Variants in EHMT1 observed in about 807,000 individuals in gnomAD.
The protein encoded by EHMT1 is histone-lysine N-methyltransferase EHMT1.
EHMT1 carries 15 observed loss-of-function variants against 147.2 expected under a neutral mutation model. That is an observed-to-expected ratio of 0.10 (90% CI 0.07 to 0.16). The LOEUF (loss-of-function observed/expected upper bound fraction) is 0.16, where lower values mean the gene tolerates loss of function less well. EHMT1 is among the 10% of genes least tolerant of loss of function. The pLI, the probability that EHMT1 is intolerant of heterozygous loss-of-function variation, is 1.00. For missense variants in EHMT1, 1,587 were observed against 1,772.4 expected (o/e 0.90, Z 1.88); for synonymous variants, 795 against 709.6 (o/e 1.12, Z -1.91).
intron 18 of EHMT1, among the ~76,000 whole-genome samples, chr9:137,810,898 A>C (rs914154879): frequency 6.6e-6 from 1 of 152,058 alleles, no homozygotes; most frequent in African/African-American, 2.4e-5. Flanking sequence ...ACGGGGTTTC[A>C]CCATGTTGGC....
chr9:137,650,256 A>G (rs1186661774), intron 1 of EHMT1, among the ~76,000 whole-genome samples: 10 of 152,166 alleles, frequency 6.6e-5, no homozygotes, highest in East Asian at 1.9e-4. Flanking sequence ...GTGGGCCACA[A>G]TGCCAGCTAA....
chr9:137,633,337 A>G (rs1424202707), intron 1 of EHMT1, among the ~76,000 whole-genome samples: 1 of 151,230 alleles, frequency 6.6e-6, no homozygotes, highest in Non-Finnish European at 1.5e-5. Flanking sequence ...TTTTTGTAAT[A>G]CAGATCTACT....
intron 1 of EHMT1, among the ~76,000 whole-genome samples, chr9:137,683,205 A>G (rs1015453379): frequency 1.2e-4 from 18 of 152,256 alleles, no homozygotes; most frequent in African/African-American, 4.1e-4. Context: ...GCTCAGAGAC[A>G]GAATATATTA....
At position 137,776,874 on chromosome 9, in the gene EHMT1, C is replaced by T. The variant is rs760471117; in HGVS notation, c.2018+30C>T. ...CTGGCACAGGCTCTGGCTGGGCTCT[C>T]CAGTCGTCCACCTGAAAAAGTTTCA... On this transcript the variant is annotated intron_variant, in intron 12 of 26. Transcript: ENST00000460843. This position sits in a 1 kb window ranked among gnomAD's most constrained non-coding sequence, Gnocchi z 4.4. 6 of 1,607,012 alleles carry T rather than the reference C, an allele frequency of 3.7e-6. No homozygotes were observed. The highest frequency in any genetic ancestry group is 4.3e-6 in the Non-Finnish European group (5 of 1,175,234).
chr9:137,627,126 T>G (rs1395184110), intron 1 of EHMT1, among the ~76,000 whole-genome samples: 2 of 152,026 alleles, frequency 1.3e-5, no homozygotes, highest in African/African-American at 4.8e-5. Context: ...GCTCGGCTAA[T>G]TTTTGTATTT....
chr9:137,740,265 T>C (rs1947936289), intron 4 of EHMT1, among the ~76,000 whole-genome samples: 1 of 151,986 alleles, frequency 6.6e-6, no homozygotes, highest in Non-Finnish European at 1.5e-5. Context: ...TCCCCGAGCG[T>C]CCTGTGAGAT....
In EHMT1 at chr9:137,620,418, A is replaced by G. The variant is rs146727946; in HGVS notation, c.21+1369A>G. Among the ~76,000 whole-genome samples the G allele has an allele frequency of 2.0e-3, 305 of 151,994 alleles. 8 individuals are homozygous for G. The East Asian group carries it at 0.05, about 25-fold the overall frequency. On this transcript the variant is annotated intron_variant, in intron 1 of 26. Coordinates refer to ENST00000460843, the MANE Select transcript of EHMT1 (RefSeq NM_024757.5). Reference sequence around the variant, plus strand: ...TATTTCCTTTTTTAAATTATTATTTATTATTATTATTTTTTGAGACAGGAT... The same window carrying G: ...TATTTCCTTTTTTAAATTATTATTTGTTATTATTATTTTTTGAGACAGGAT...
Position 137,751,482 on chromosome 9 carries a change from G to A in EHMT1, c.1171-849G>A, listed in dbSNP as rs151233195. On this transcript the variant is annotated intron_variant, in intron 6 of 26. Coordinates refer to ENST00000460843, the MANE Select transcript of EHMT1 (RefSeq NM_024757.5). Reference sequence around the variant, plus strand: ...GTACACCCTTGATGTGAAGTCGCATGGGTGCCTGTCCACCGGGAAATGCAG... The same window carrying A: ...GTACACCCTTGATGTGAAGTCGCATAGGTGCCTGTCCACCGGGAAATGCAG... 2.1e-4 allele frequency among the ~76,000 whole-genome samples: 32 copies of A among 152,322 alleles called. 1 individual carries two copies. Among genetic ancestry groups the A allele is most frequent in the African/African-American group, 7.7e-4 (32 of 41,570 alleles).
At chr9:137,817,180 A>G (rs1032116558) in intron 23 of EHMT1, 5 of 557,566 alleles carry the variant, frequency 9.0e-6, no homozygotes, top group Non-Finnish European at 1.6e-5. Flanking sequence ...CATGTTACAG[A>G]TGGGGACACC....
intron 3 of EHMT1, among the ~76,000 whole-genome samples, chr9:137,722,088 T>C (rs759987925): frequency 6.6e-6 from 1 of 152,058 alleles, no homozygotes; most frequent in Non-Finnish European, 1.5e-5. Context: ...TTTTTGCCTG[T>C]GGATGGCGCC....
chr9:137,831,921 T>G (rs977714716), intron 25 of EHMT1, among the ~76,000 whole-genome samples: 15 of 151,694 alleles, frequency 9.9e-5, no homozygotes, highest in African/African-American at 3.7e-4. Flanking sequence ...TTGGCTGGGC[T>G]CCCTCCACAG....
intron 4 of EHMT1, among the ~76,000 whole-genome samples, chr9:137,734,768 A>G (rs2135902609): frequency 6.6e-6 from 1 of 152,358 alleles, no homozygotes; most frequent in South Asian, 2.1e-4. Flanking sequence ...CTCATCAGAA[A>G]CTTTGGGGGA....
chr9:137,706,163 G>C lies in EHMT1; in HGVS notation c.22-4804G>C, dbSNP rs562217973. ...GGCATGCAGAGCCGACCTGGCCTGGGGGTTGGCGAGTCCTGGACCATCCCG... is the reference window on the plus strand; with the variant it reads ...GGCATGCAGAGCCGACCTGGCCTGGCGGTTGGCGAGTCCTGGACCATCCCG... On this transcript the variant is annotated intron_variant, in intron 1 of 26. Transcript: ENST00000460843. 2.0e-5 allele frequency among the ~76,000 whole-genome samples: 3 copies of C among 152,318 alleles called. No individual in the cohort carries two copies. The South Asian group carries it at 6.2e-4, about 32-fold the overall frequency.
chr9:137,745,917 G>C (rs1948507144), intron 6 of EHMT1: 1 of 191,360 alleles, frequency 5.2e-6, no homozygotes, highest in African/African-American at 2.3e-5. Context: ...TCATTGCTGA[G>C]TCATGCCTGG....
At chr9:137,755,281 G>A (rs778838551) in intron 8 of EHMT1, among the ~76,000 whole-genome samples, 3 of 152,126 alleles carry the variant, frequency 2.0e-5, no homozygotes, top group Non-Finnish European at 4.4e-5. Flanking sequence ...CCCCTGGTCT[G>A]CTCTGTTTCC....
chr9:137,668,715 CACTTA>C (rs1208656037), intron 1 of EHMT1, among the ~76,000 whole-genome samples: 5 of 146,458 alleles, frequency 3.4e-5, no homozygotes, highest in Non-Finnish European at 7.4e-5. Context: ...TGACTTCTTT[CACTTA>C]ACTTAGTGTT....
At chr9:137,745,663 T>C (rs1001550361) in intron 6 of EHMT1, 3 of 397,580 alleles carry the variant, frequency 7.5e-6, no homozygotes, top group African/African-American at 6.2e-5. Context: ...CACACACGTG[T>C]CTGTCGCTCC....
At chr9:137,754,627 C>T (rs1228452605) in intron 8 of EHMT1, among the ~76,000 whole-genome samples, 2 of 152,110 alleles carry the variant, frequency 1.3e-5, no homozygotes, top group Non-Finnish European at 2.9e-5. Flanking sequence ...ATCATCCTAC[C>T]TCATCTCCCC....
At chr9:137,700,772 TC>T (rs1370898854) in intron 1 of EHMT1, among the ~76,000 whole-genome samples, 3 of 152,228 alleles carry the variant, frequency 2.0e-5, no homozygotes, top group African/African-American at 7.2e-5. Flanking sequence ...AAGGAACTGT[TC>T]CTGTGATCAA....
Sources: allele counts gnomAD v4.1 joint callset (sites outside exome capture counted in the v4.1 genomes callset), GRCh38; gene constraint gnomAD v4.1.1; non-coding constraint Gnocchi (gnomAD v3.1); transcripts MANE v1.5; gene names NCBI Gene and HGNC (gene_info 2026-07-23, HGNC 2026-07-21).